Variants in SRP72 observed in about 807,000 individuals in gnomAD.
SRP72 encodes the protein signal recognition particle subunit SRP72.
In SRP72, 49 loss-of-function variants were observed where a neutral mutation model predicts 96.3. The ratio of observed to expected loss-of-function variants is 0.51; its 90% CI spans 0.40 to 0.65. The LOEUF (loss-of-function observed/expected upper bound fraction) is 0.65, where lower values mean the gene tolerates loss of function less well. Ranked by LOEUF, SRP72 falls within the 30% of genes least tolerant of loss-of-function variation. The pLI, the probability that SRP72 is intolerant of heterozygous loss-of-function variation, is 0.00. For synonymous variants in SRP72, 267 were observed against 275.2 expected (o/e 0.97, Z 0.30); for missense variants, 736 against 793.3 (o/e 0.93, Z 0.87).
intron 17 of SRP72, among the ~76,000 whole-genome samples, chr4:56,496,726 G>A (rs545894626): frequency 2.0e-5 from 3 of 152,192 alleles, no homozygotes; most frequent in Admixed American, 6.5e-5. Context: ...GGTGGCTCAC[G>A]CCTGTAATCC....
At chr4:56,499,921 T>G (rs933116026) in intron 17 of SRP72, among the ~76,000 whole-genome samples, 4 of 152,208 alleles carry the variant, frequency 2.6e-5, no homozygotes, top group Non-Finnish European at 5.9e-5. Flanking sequence ...CACACTTATG[T>G]TTATTGCAGC....
rs143165359 is a variant in SRP72 at position 56,487,770 on chromosome 4, TA to T, written c.1160-176del. On this transcript the variant is annotated intron_variant, in intron 11 of 18. Coordinates refer to ENST00000642900, the MANE Select transcript of SRP72 (RefSeq NM_006947.4). ...CTTTAGAACTCAATTTCCTTATCTC[TA>T]AATGAACAGAGTTCACCATCCCCAA... is the stretch of plus-strand genomic sequence containing the variant. Among the ~76,000 whole-genome samples the T allele has an allele frequency of 2.2e-4, 33 of 152,312 alleles. No individual in the cohort carries two copies. The East Asian group carries it at 6.4e-3, about 29-fold the overall frequency.
At chr4:56,477,299 C>CTTTTTTTTTTTTTTTTTTTTTTTTT (rs1720276211) in intron 6 of SRP72, 1 of 97,276 alleles carries the variant, frequency 1.0e-5, no homozygotes, top group African/African-American at 3.8e-5. Flanking sequence ...CTCTCTCTCT[C>CTTTTTTTTTTTTTTTTTTTTTTTTT]TCTTTTTTTT....
Position 56,476,458 on chromosome 4 carries a change from A to G in SRP72, c.611-213A>G, listed in dbSNP as rs560334484. On this transcript the variant is annotated intron_variant, in intron 5 of 18. Coordinates refer to ENST00000642900, the MANE Select transcript of SRP72 (RefSeq NM_006947.4). ...TACAAATATTTTTAGCACAGACACA[A>G]CAAATGAAAGCAAAGTGCCAAAGAG... 7.2e-6 allele frequency: 4 copies of G among 555,604 alleles called. No homozygotes were observed. In the South Asian group the frequency reaches 7.6e-5, roughly 11 times the overall value. 34.4% of individuals were successfully genotyped at this position (555,604 alleles called of 1,614,324 possible). A position where few individuals can be genotyped will look rare whatever the true frequency, so the allele number is the denominator to read the frequency against.
rs1721307140 is a variant in SRP72 at position 56,502,640 on chromosome 4, C to CCAGT, written c.*780_*783dup. 1 of 151,578 alleles carries CCAGT rather than the reference C, an allele frequency of 6.6e-6. No individual in the cohort carries two copies. The highest frequency in any genetic ancestry group is 2.4e-5 in the African/African-American group (1 of 41,296). 9.4% of individuals were successfully genotyped at this position (151,578 alleles called of 1,614,324 possible). A position where few individuals can be genotyped will look rare whatever the true frequency, so the allele number is the denominator to read the frequency against. On this transcript the variant is annotated 3_prime_UTR_variant, in exon 19 of 19. Transcript: ENST00000642900. The stretch of plus-strand genomic sequence containing the variant: ...CAATGTAAGAAGTTCACTCTTAGAC[C>CCAGT]CAGTGTTCTGAGGTCACATGGGTTT...
chr4:56,498,448 T>G (rs777892902), intron 17 of SRP72, among the ~76,000 whole-genome samples: 4 of 151,116 alleles, frequency 2.6e-5, no homozygotes, highest in Admixed American at 6.6e-5. Context: ...GAGAAAGAAA[T>G]AAAGGATATT....
chr4:56,496,994 CA>C (rs1721092479), intron 17 of SRP72, among the ~76,000 whole-genome samples: 1 of 151,172 alleles, frequency 6.6e-6, no homozygotes, highest in Non-Finnish European at 1.5e-5. Context: ...TCCCTGCCCC[CA>C]AAAAAAAGCA....
chr4:56,499,156 A>T (rs1005448230), intron 17 of SRP72, among the ~76,000 whole-genome samples: 1 of 152,062 alleles, frequency 6.6e-6, no homozygotes, highest in Non-Finnish European at 1.5e-5. Context: ...GACAAAAGCA[A>T]TGGGGAAAGG....
chr4:56,495,337 AT>A lies in SRP72; in HGVS notation c.1641-11del, dbSNP rs746040114. The A allele has an allele frequency of 9.7e-5, 141 of 1,450,266 alleles. No homozygotes were observed. Among genetic ancestry groups the A allele is most frequent in the African/African-American group, 2.4e-4 (17 of 70,928 alleles). 89.8% of individuals were successfully genotyped at this position (1,450,266 alleles called of 1,614,324 possible). On this transcript the variant is annotated intron_variant, in intron 16 of 18. Coordinates refer to ENST00000642900, the MANE Select transcript of SRP72 (RefSeq NM_006947.4). ...ATATTTTATCACAAAGATGGTAATG[AT>A]TTTTTTTTCTCTTTGTAGACAGGGA... is the stretch of plus-strand genomic sequence containing the variant.
intron 15 of SRP72, 95 bp from the exon 16 acceptor site, chr4:56,491,331 ACAGTC>A: frequency 7.3e-7 from 1 of 1,378,820 alleles, no homozygotes; most frequent in South Asian, 1.6e-5. Flanking sequence ...TCAAGAAAAG[ACAGTC>A]TTCCAGTGTC....
chr4:56,495,872 T>G (rs936922371), intron 17 of SRP72, among the ~76,000 whole-genome samples: 3 of 152,206 alleles, frequency 2.0e-5, no homozygotes, highest in Non-Finnish European at 4.4e-5. Flanking sequence ...GACTCAGTAT[T>G]TTTACCTCTT....
At chr4:56,476,244 T>TGG (rs1720217735) in intron 5 of SRP72, 1 of 190,268 alleles carries the variant, frequency 5.3e-6, no homozygotes, top group African/African-American at 2.4e-5. Flanking sequence ...ATTAAGCCAC[T>TGG]GCACTCCAGC....
intron 18 of SRP72, 92 bp from the exon 19 acceptor site, chr4:56,501,592 T>C (rs554113327): frequency 2.8e-6 from 3 of 1,086,360 alleles, no homozygotes; most frequent in Non-Finnish European, 4.0e-6. Flanking sequence ...TGGGAGATTG[T>C]TAAGTGTGAT....
At chr4:56,487,622 C>T in intron 11 of SRP72, among the ~76,000 whole-genome samples, 1 of 152,164 alleles carries the variant, frequency 6.6e-6, no homozygotes, top group Non-Finnish European at 1.5e-5. Flanking sequence ...AGGACCCCCA[C>T]CTTCAAGTTA....
chr4:56,492,358 A>G (rs767390017), intron 16 of SRP72, among the ~76,000 whole-genome samples: 2 of 152,214 alleles, frequency 1.3e-5, no homozygotes, highest in Non-Finnish European at 2.9e-5. Flanking sequence ...AGTCGGCTTC[A>G]TCTACTTAAA....
intron 12 of SRP72, among the ~76,000 whole-genome samples, chr4:56,488,633 G>A (rs746454230): frequency 4.6e-5 from 7 of 152,140 alleles, no homozygotes; most frequent in Non-Finnish European, 1.0e-4. Context: ...AAAATAAAAT[G>A]TTTCTAATAT....
chr4:56,472,576 G>A (rs759513521), intron 3 of SRP72, among the ~76,000 whole-genome samples: 2 of 151,908 alleles, frequency 1.3e-5, no homozygotes, highest in Non-Finnish European at 2.9e-5. Flanking sequence ...CAAACTCCCA[G>A]CATCAAGTGA....
At position 56,486,352 on chromosome 4, in the gene SRP72, G is replaced by T; in HGVS notation, c.1114G>T (p.Ala372Ser). 6.2e-7 allele frequency: 1 copy of T among 1,605,440 alleles called. No individual in the cohort carries two copies. Among genetic ancestry groups the T allele is most frequent in the Non-Finnish European group, 8.5e-7 (1 of 1,174,784 alleles). Residue 372 changes from alanine (A) to serine (S), a missense_variant, in exon 11 of 19, where the codon GCA becomes TCA. Physicochemically the swap from Ala to Ser is moderately conservative, Grantham distance 99. Coordinates refer to ENST00000642900, the MANE Select transcript of SRP72 (RefSeq NM_006947.4). ...ATTTTCAGATCAGCATCCAGAAAAT[G>T]CAGCTGAAATTAAGCTGACCATGGC... ...QEFSDQHPEN[A>S]AEIKLTMAQL...
At chr4:56,490,478 T>C in intron 14 of SRP72, 42 bp downstream of exon 14, 6 of 1,603,264 alleles carry the variant, frequency 3.7e-6, no homozygotes, top group Non-Finnish European at 5.1e-6. Flanking sequence ...ACACATTTAT[T>C]GTTGCTACTT....
Sources: allele counts gnomAD v4.1 joint callset (sites outside exome capture counted in the v4.1 genomes callset), GRCh38; gene constraint gnomAD v4.1.1; transcripts MANE v1.5; gene names NCBI Gene and HGNC (gene_info 2026-07-23, HGNC 2026-07-21).